Variants in PDE4D observed in about 807,000 individuals in gnomAD.
PDE4D encodes the protein phosphodiesterase 4D.
In PDE4D, 24 loss-of-function variants were observed where a neutral mutation model predicts 87.4. The observed-to-expected ratio is 0.27, with a 90% CI of 0.20 to 0.39. PDE4D has a LOEUF of 0.39. Among genes scored for constraint, PDE4D ranks in the 10% least tolerant of loss-of-function variants. The pLI is 1.00. For synonymous variants in PDE4D, 384 were observed against 383.2 expected (o/e 1.00, Z -0.02); for missense variants, 714 against 1,041.0 (o/e 0.69, Z 4.32).
chr5:59,261,272 G>A (rs6881054), intron 1 of PDE4D, among the ~76,000 whole-genome samples: 5 of 151,712 alleles, frequency 3.3e-5, no homozygotes, highest in South Asian at 2.1e-4. Flanking sequence ...TAGTCCATTC[G>A]AAAGTTTTTG....
intron 1 of PDE4D, among the ~76,000 whole-genome samples, chr5:60,390,420 A>AATT (rs1180465218): frequency 6.6e-6 from 1 of 152,128 alleles, no homozygotes; most frequent in Non-Finnish European, 1.5e-5. Flanking sequence ...TCACTAACCA[A>AATT]ATTCCTTACC....
intron 1 of PDE4D, among the ~76,000 whole-genome samples, chr5:59,363,188 G>C (rs970089457): frequency 7.9e-5 from 12 of 152,318 alleles, no homozygotes; most frequent in South Asian, 2.1e-4. Flanking sequence ...ATTTGAGAGA[G>C]AGCCATTGCA....
chr5:60,515,208 C>T lies in PDE4D; in HGVS notation n.70+6843G>A, dbSNP rs1363346097. On this transcript the variant is annotated intron_variant and non_coding_transcript_variant, in intron 1 of 2. Coordinates refer to the PDE4D transcript ENST00000506510. ...TATCAGATAGTTTTAAGTTTTTCCT[C>T]CGTGTTCTTTTACTTTAGGGCTATA... Among the ~76,000 whole-genome samples, 6 of 152,138 alleles carry T rather than the reference C, an allele frequency of 3.9e-5. No individual in the cohort carries two copies. In the South Asian group the frequency reaches 1.2e-3, roughly 32 times the overall value.
chr5:60,158,769 C>G (rs1026559258), intron 2 of PDE4D, among the ~76,000 whole-genome samples: 5 of 152,094 alleles, frequency 3.3e-5, no homozygotes, highest in Non-Finnish European at 5.9e-5. Context: ...CGGGGTTTCA[C>G]CGTGCTAGCC....
intron 6 of PDE4D, among the ~76,000 whole-genome samples, chr5:59,027,057 T>A (rs1756377024): frequency 6.6e-6 from 1 of 152,198 alleles, no homozygotes; most frequent in Admixed American, 6.5e-5. Context: ...AGTCCTCATG[T>A]CTCCTGAGGC....
intron 1 of PDE4D, among the ~76,000 whole-genome samples, chr5:60,433,265 G>A (rs1744500368): frequency 1.3e-5 from 2 of 151,936 alleles, no homozygotes. Context: ...TTAAAAAGTG[G>A]GCAAAGACAC....
upstream of PDE4D, chr5:60,489,948 A>G (rs1262057115): frequency 1.3e-5 from 2 of 152,170 alleles, no homozygotes; most frequent in Non-Finnish European, 2.9e-5. Flanking sequence ...TTGTCCAGAA[A>G]TTTCCCATAG....
In PDE4D at chr5:59,439,106, C is replaced by T. The variant is rs113500158; in HGVS notation, c.456-223138G>A. Among the ~76,000 whole-genome samples the T allele has an allele frequency of 7.8e-3, 1,190 of 152,220 alleles. 15 individuals are homozygous for T. The highest frequency in any genetic ancestry group is 0.028 in the African/African-American group (1,145 of 41,530). On this transcript the variant is annotated intron_variant, in intron 1 of 14. Transcript: ENST00000340635. ...GGGTGCAGTGGCTCACATCTGTAATCCCAGCACTTTGGGAAGCCGACGTGG... is the reference window on the plus strand; with the variant it reads ...GGGTGCAGTGGCTCACATCTGTAATTCCAGCACTTTGGGAAGCCGACGTGG...
chr5:60,341,116 A>C (rs1439124315), intron 1 of PDE4D, among the ~76,000 whole-genome samples: 1 of 149,734 alleles, frequency 6.7e-6, no homozygotes, highest in Admixed American at 6.6e-5. Context: ...AACTGTTCTG[A>C]ATGAAAAATG....
At chr5:59,148,753 CGGTGTG>C (rs1443834852) in intron 5 of PDE4D, among the ~76,000 whole-genome samples, 1 of 77,546 alleles carries the variant, frequency 1.3e-5, no homozygotes, top group Admixed American at 1.6e-4. Flanking sequence ...AAATATATAG[CGGTGTG>C]TGTGTGTGTG....
At chr5:59,925,858 A>C (rs933626475) in intron 3 of PDE4D, among the ~76,000 whole-genome samples, 3 of 152,212 alleles carry the variant, frequency 2.0e-5, no homozygotes, top group Non-Finnish European at 4.4e-5. Context: ...GAGCATCCAC[A>C]TATATAAAGC....
intron 2 of PDE4D, among the ~76,000 whole-genome samples, chr5:60,153,255 G>A (rs560765033): frequency 2.0e-5 from 3 of 152,110 alleles, no homozygotes; most frequent in African/African-American, 7.2e-5. Flanking sequence ...CATGCAAATG[G>A]CTAACATGTA....
chr5:59,438,063 C>G (rs1236327876), intron 1 of PDE4D, among the ~76,000 whole-genome samples: 1 of 152,124 alleles, frequency 6.6e-6, no homozygotes, highest in Non-Finnish European at 1.5e-5. Flanking sequence ...ATGGGGGAAA[C>G]TGCTCCTATG....
At chr5:60,005,840 G>A in intron 2 of PDE4D, among the ~76,000 whole-genome samples, 1 of 151,378 alleles carries the variant, frequency 6.6e-6, no homozygotes. Context: ...TTTTTAAAAG[G>A]GTGCAGAGAG....
At chr5:59,814,312 C>G (rs1768725774) in intron 1 of PDE4D, among the ~76,000 whole-genome samples, 1 of 152,166 alleles carries the variant, frequency 6.6e-6, no homozygotes, top group South Asian at 2.1e-4. Context: ...GTCTGTCCCA[C>G]AAAACTTAAA....
At chr5:59,553,181 C>A (rs953302) in intron 1 of PDE4D, among the ~76,000 whole-genome samples, 4 of 152,062 alleles carry the variant, frequency 2.6e-5, no homozygotes, top group African/African-American at 9.7e-5. Context: ...GTCTCTCTCC[C>A]TTTCCGTATG....
chr5:59,528,794 G>C, intron 1 of PDE4D: 1 of 261,844 alleles, frequency 3.8e-6, no homozygotes, highest in Non-Finnish European at 7.6e-6. Flanking sequence ...GAACAGACCT[G>C]ATGGTTACAG....
At chr5:59,876,517 C>T (rs1328117507) in intron 1 of PDE4D, among the ~76,000 whole-genome samples, 1 of 152,082 alleles carries the variant, frequency 6.6e-6, no homozygotes, top group East Asian at 1.9e-4. Flanking sequence ...ATGGACAAAC[C>T]TAGCCTAATA....
intron 1 of PDE4D, among the ~76,000 whole-genome samples, chr5:59,468,481 G>A (rs1056473146): frequency 3.3e-5 from 5 of 152,260 alleles, no homozygotes; most frequent in African/African-American, 1.2e-4. Flanking sequence ...GTATATTCAT[G>A]GAGATGCTTG....
Sources: gnomAD v4.1 joint callset for allele counts (sites outside exome capture counted in the v4.1 genomes callset) on GRCh38, gnomAD v4.1.1 for gene constraint, MANE v1.5 for transcripts, NCBI Gene and HGNC (gene_info 2026-07-23, HGNC 2026-07-21) for gene names.